The following NPTN variants were observed in gnomAD, a reference collection of about 807,000 sequenced individuals.
The protein encoded by NPTN is SDR-1.
NPTN carries 5 observed loss-of-function variants against 42.7 expected under a neutral mutation model. The observed-to-expected ratio is 0.12, with a 90% CI of 0.06 to 0.25. The LOEUF (loss-of-function observed/expected upper bound fraction) is 0.25. Among genes scored for constraint, NPTN ranks in the 10% least tolerant of loss-of-function variants. The pLI is 1.00. For synonymous variants in NPTN, 180 were observed against 201.9 expected, an observed-to-expected ratio of 0.89 and a Z score of 0.92; for missense variants, 307 against 525.4, an observed-to-expected ratio of 0.58 and a Z score of 4.06.
intron 3 of NPTN, 96 bp downstream of exon 3, chr15:73,591,870 A>G: frequency 1.7e-6 from 2 of 1,197,586 alleles, no homozygotes; most frequent in Non-Finnish European, 2.4e-6. Flanking sequence ...AATATATCTC[A>G]TGTCCCTTCT....
At chr15:73,589,557 T>TA (rs1170469098) in intron 3 of NPTN, among the ~76,000 whole-genome samples, 1 of 152,066 alleles carries the variant, frequency 6.6e-6, no homozygotes, top group African/African-American at 2.4e-5. Context: ...GATAAATAGT[T>TA]ATATAGGGCT....
At chr15:73,630,777 TAAG>T (rs1898694383) in intron 1 of NPTN, among the ~76,000 whole-genome samples, 1 of 152,214 alleles carries the variant, frequency 6.6e-6, no homozygotes, top group African/African-American at 2.4e-5. Context: ...GAAAGCACTG[TAAG>T]AAAACACAAA....
intron 1 of NPTN, among the ~76,000 whole-genome samples, chr15:73,628,924 T>A (rs1898578888): frequency 6.6e-6 from 1 of 152,206 alleles, no homozygotes; most frequent in African/African-American, 2.4e-5. Flanking sequence ...TAATTTCTCA[T>A]AAGGATCTGT....
At chr15:73,572,946 A>C (rs1003873027) in intron 5 of NPTN, among the ~76,000 whole-genome samples, 2 of 152,026 alleles carry the variant, frequency 1.3e-5, no homozygotes, top group African/African-American at 4.8e-5. Flanking sequence ...AATTCTCATG[A>C]GACCCGGTTG....
chr15:73,623,449 G>A (rs1019978381), intron 1 of NPTN, among the ~76,000 whole-genome samples: 4 of 152,200 alleles, frequency 2.6e-5, no homozygotes, highest in Non-Finnish European at 5.9e-5. Context: ...CACTTTGGGA[G>A]GCACAGGCAG....
At chr15:73,592,498 T>G (rs1208644741) in intron 2 of NPTN, among the ~76,000 whole-genome samples, 1 of 152,212 alleles carries the variant, frequency 6.6e-6, no homozygotes, top group African/African-American at 2.4e-5. Flanking sequence ...CTTGCCATTC[T>G]GAAGACAAAG....
chr15:73,632,983 C>T lies in NPTN; in HGVS notation c.91+142G>A, dbSNP rs1898843420. 5.3e-6 allele frequency: 3 copies of T among 564,722 alleles called. No homozygotes were observed. The African/African-American group carries it at 5.9e-5, about 11-fold the overall frequency. 35.0% of individuals were successfully genotyped at this position (564,722 alleles called of 1,614,324 possible). A position where few individuals can be genotyped will look rare whatever the true frequency, so the allele number is the denominator to read the frequency against. ...CGCCTCCTCAAACCCGCAGCCGGTA[C>T]CTCCTCTCGGACCCGCAGCCCCTCA... On this transcript the variant is annotated intron_variant, in intron 1 of 8. Coordinates refer to ENST00000345330, the MANE Select transcript of NPTN (RefSeq NM_012428.4).
chr15:73,568,339 T>A (rs1464088220), intron 6 of NPTN: 1 of 985,324 alleles, frequency 1.0e-6, no homozygotes, highest in Admixed American at 6.1e-5. Context: ...CTGAAGTCCA[T>A]CTCTGCCTTC....
chr15:73,621,872 G>A (rs867598703), intron 1 of NPTN, among the ~76,000 whole-genome samples: 2 of 151,832 alleles, frequency 1.3e-5, no homozygotes, highest in African/African-American at 2.4e-5. Flanking sequence ...TCCACTGTTC[G>A]AGTCCTCTTA....
intron 6 of NPTN, chr15:73,565,777 A>T (rs1251536520): frequency 4.4e-6 from 2 of 456,466 alleles, no homozygotes; most frequent in Admixed American, 4.7e-5. Context: ...TACCGGTGGA[A>T]CTGTAGCACA....
At chr15:73,582,642 T>C (rs1181936052) in intron 4 of NPTN, among the ~76,000 whole-genome samples, 1 of 152,182 alleles carries the variant, frequency 6.6e-6, no homozygotes, top group African/African-American at 2.4e-5. Context: ...ACAGTTCATA[T>C]GAATTAAATC....
At chr15:73,562,657 G>A (rs28726349) in intron 7 of NPTN, among the ~76,000 whole-genome samples, 5,470 of 152,096 alleles carry the variant, frequency 0.036, 368 homozygotes, top group African/African-American at 0.12. Flanking sequence ...CCTCTCTCTT[G>A]GATACGAGCA....
chr15:73,578,556 G>C (rs1895817616), intron 4 of NPTN, among the ~76,000 whole-genome samples: 1 of 152,180 alleles, frequency 6.6e-6, no homozygotes, highest in South Asian at 2.1e-4. Flanking sequence ...CTAAGATGAG[G>C]AAAATTGCAA....
At chr15:73,573,102 A>G (rs1421096160) in intron 5 of NPTN, among the ~76,000 whole-genome samples, 2 of 152,206 alleles carry the variant, frequency 1.3e-5, no homozygotes, top group African/African-American at 4.8e-5. Flanking sequence ...CAGCAACTGC[A>G]GTCTAAAAAA....
At chr15:73,595,880 G>C (rs1377633365) in intron 2 of NPTN, among the ~76,000 whole-genome samples, 1 of 149,832 alleles carries the variant, frequency 6.7e-6, no homozygotes, top group Non-Finnish European at 1.5e-5. Context: ...GGCCACAAAA[G>C]TCCCGGTGTC....
intron 8 of NPTN, among the ~76,000 whole-genome samples, chr15:73,561,674 C>T (rs567587447): frequency 1.3e-5 from 2 of 152,166 alleles, no homozygotes; most frequent in East Asian, 3.9e-4. Context: ...AGTGAGACTC[C>T]ATCTTAAAAA....
At chr15:73,589,341 A>C (rs928767009) in intron 3 of NPTN, among the ~76,000 whole-genome samples, 1 of 152,054 alleles carries the variant, frequency 6.6e-6, no homozygotes, top group Non-Finnish European at 1.5e-5. Context: ...CGAAAAAAAA[A>C]GAAAAAAAGA....
chr15:73,564,597 C>T (rs1238234718), intron 6 of NPTN, among the ~76,000 whole-genome samples: 1 of 152,144 alleles, frequency 6.6e-6, no homozygotes, highest in Non-Finnish European at 1.5e-5. Flanking sequence ...CAAACGGGTA[C>T]AGAGAACAAA....
intron 2 of NPTN, among the ~76,000 whole-genome samples, chr15:73,593,674 T>C (rs1254064695): frequency 6.6e-6 from 1 of 152,248 alleles, no homozygotes; most frequent in Non-Finnish European, 1.5e-5. Flanking sequence ...TTCTGACTTG[T>C]AGAGTTAATG....
Sources: gnomAD v4.1 joint callset for allele counts (sites outside exome capture counted in the v4.1 genomes callset) on GRCh38, gnomAD v4.1.1 for gene constraint, MANE v1.5 for transcripts, NCBI Gene and HGNC (gene_info 2026-07-23, HGNC 2026-07-21) for gene names.